The following TUSC3 variants were observed in gnomAD, a reference collection of about 807,000 sequenced individuals.
The protein encoded by TUSC3 is dolichyl-diphosphooligosaccharide--protein glycosyltransferase subunit TUSC3.
TUSC3 carries 45 observed loss-of-function variants against 44.8 expected under a neutral mutation model. The observed-to-expected ratio is 1.00, with a 90% CI of 0.79 to 1.29. The LOEUF (loss-of-function observed/expected upper bound fraction) is 1.29, where lower values mean the gene tolerates loss of function less well. Ranked by LOEUF, TUSC3 falls within the 50% of genes most tolerant of loss-of-function variation. The probability of loss-of-function intolerance (pLI) is 0.00; values close to 1 mark genes in which losing one functional copy is unlikely to be tolerated. For synonymous variants in TUSC3, 212 were observed against 152.9 expected (o/e 1.39, Z -2.85); for missense variants, 519 against 437.9 (o/e 1.19, Z -1.65).
At chr8:15,449,845 T>C (rs1489137819) in intron 1 of TUSC3, among the ~76,000 whole-genome samples, 1 of 152,170 alleles carries the variant, frequency 6.6e-6, no homozygotes, top group Non-Finnish European at 1.5e-5. Context: ...TCTTACACTT[T>C]ATTTTTTTAC....
chr8:15,489,978 T>TA (rs1192095581), intron 2 of TUSC3, among the ~76,000 whole-genome samples: 4 of 152,326 alleles, frequency 2.6e-5, no homozygotes, highest in Middle Eastern at 3.4e-3. Context: ...GGTGCTGAAA[T>TA]AGTCAAAATA....
intron 6 of TUSC3, among the ~76,000 whole-genome samples, chr8:15,718,769 A>G (rs965398405): frequency 6.6e-6 from 1 of 152,084 alleles, no homozygotes. Context: ...TAAATGGTCT[A>G]TATTTGTATT....
intron 1 of TUSC3, among the ~76,000 whole-genome samples, chr8:15,469,304 A>C (rs1800454141): frequency 6.6e-6 from 1 of 152,230 alleles, no homozygotes; most frequent in Non-Finnish European, 1.5e-5. Context: ...AGAACTCTTT[A>C]ATTTCAACAA....
intron 8 of TUSC3, among the ~76,000 whole-genome samples, chr8:15,744,966 A>C (rs138360057): frequency 1.5e-4 from 23 of 152,092 alleles, no homozygotes; most frequent in African/African-American, 5.3e-4. Context: ...TCCCCACTCT[A>C]GTCGTGTCTG....
At chr8:15,575,708 A>G (rs1276009806) in intron 1 of TUSC3, among the ~76,000 whole-genome samples, 3 of 152,176 alleles carry the variant, frequency 2.0e-5, no homozygotes, top group Non-Finnish European at 4.4e-5. Context: ...TGGAGGTTGC[A>G]GTCAGCTGAG....
chr8:15,564,665 C>G (rs1318419655), intron 1 of TUSC3, among the ~76,000 whole-genome samples: 2 of 152,146 alleles, frequency 1.3e-5, no homozygotes, highest in Non-Finnish European at 1.5e-5. Flanking sequence ...CAGACACAAG[C>G]TAGATGACAT....
intron 1 of TUSC3, among the ~76,000 whole-genome samples, chr8:15,607,268 A>C (rs1196459375): frequency 6.6e-6 from 1 of 152,114 alleles, no homozygotes; most frequent in Admixed American, 6.6e-5. Flanking sequence ...TTAATGAGGC[A>C]GGCACCGGCC....
the TUSC3 span, among the ~76,000 whole-genome samples, chr8:15,775,282 G>C: frequency 6.6e-6 from 1 of 152,034 alleles, no homozygotes; most frequent in African/African-American, 2.4e-5. Flanking sequence ...AAGCAGATGC[G>C]TGGTTGCCAG....
At chr8:15,697,180 G>C (rs779968132) in intron 6 of TUSC3, among the ~76,000 whole-genome samples, 5 of 152,014 alleles carry the variant, frequency 3.3e-5, no homozygotes, top group Admixed American at 2.6e-4. Flanking sequence ...ATTTTTCTTG[G>C]TTAATCTTGC....
chr8:15,450,510 C>G lies in TUSC3; in HGVS notation n.92-32876C>G, dbSNP rs1370345941. ...CCCAGCCTGACCAAGATGGTGAAACCCCATCTCTAGTAAAAATACAAAAAT... is the reference window on the plus strand; with the variant it reads ...CCCAGCCTGACCAAGATGGTGAAACGCCATCTCTAGTAAAAATACAAAAAT... On this transcript the variant is annotated intron_variant and non_coding_transcript_variant, in intron 1 of 5. Transcript: ENST00000503191. 3.3e-5 allele frequency among the ~76,000 whole-genome samples: 5 copies of G among 151,992 alleles called. No homozygotes were observed. The East Asian group carries it at 9.8e-4, about 30-fold the overall frequency.
At chr8:15,615,032 A>G (rs1262466543) in intron 1 of TUSC3, among the ~76,000 whole-genome samples, 3 of 152,002 alleles carry the variant, frequency 2.0e-5, no homozygotes, top group Non-Finnish European at 4.4e-5. Flanking sequence ...TAGTACAGCC[A>G]TTATGGAAAA....
intron 1 of TUSC3, among the ~76,000 whole-genome samples, chr8:15,595,760 G>T (rs1804042269): frequency 6.6e-6 from 1 of 152,088 alleles, no homozygotes; most frequent in African/African-American, 2.4e-5. Context: ...TTCTACTTCT[G>T]TAAGATTTTC....
intron 10 of TUSC3, chr8:15,758,387 AT>A: frequency 3.1e-6 from 1 of 327,110 alleles, no homozygotes; most frequent in Non-Finnish European, 4.4e-6. Context: ...TTATATATAT[AT>A]AATTTTACAT....
At chr8:15,829,934 C>G in the TUSC3 span, among the ~76,000 whole-genome samples, 3 of 152,110 alleles carry the variant, frequency 2.0e-5, no homozygotes, top group Admixed American at 6.5e-5. Context: ...ATTCCCTTTT[C>G]TCTGCACACT....
At chr8:15,615,933 G>A (rs1804968938) in intron 1 of TUSC3, among the ~76,000 whole-genome samples, 1 of 152,170 alleles carries the variant, frequency 6.6e-6, no homozygotes, top group Non-Finnish European at 1.5e-5. Flanking sequence ...GTGGACTCAA[G>A]TGATCCTCTG....
chr8:15,697,887 C>T (rs1314258653), intron 6 of TUSC3, among the ~76,000 whole-genome samples: 2 of 152,100 alleles, frequency 1.3e-5, no homozygotes, highest in African/African-American at 4.8e-5. Context: ...AGCCATCTAA[C>T]AATATCAGTA....
chr8:15,673,951 T>G, intron 6 of TUSC3, 115 bp downstream of exon 6: 1 of 872,180 alleles, frequency 1.1e-6, no homozygotes, highest in Non-Finnish European at 1.8e-6. Context: ...TCAAAATATA[T>G]ATTCTTTCTC....
At chr8:15,676,233 G>A (rs1179435010) in intron 6 of TUSC3, among the ~76,000 whole-genome samples, 1 of 152,020 alleles carries the variant, frequency 6.6e-6, no homozygotes, top group Non-Finnish European at 1.5e-5. Flanking sequence ...TATGATGTGT[G>A]GAGCATCTTT....
the TUSC3 span, among the ~76,000 whole-genome samples, chr8:15,789,377 T>A: frequency 6.6e-6 from 1 of 152,176 alleles, no homozygotes. Flanking sequence ...AACAATGGTG[T>A]TTCATATCAT....
Sources: gnomAD v4.1 joint callset for allele counts (sites outside exome capture counted in the v4.1 genomes callset) on GRCh38, gnomAD v4.1.1 for gene constraint, MANE v1.5 for transcripts, NCBI Gene and HGNC (gene_info 2026-07-23, HGNC 2026-07-21) for gene names.